Variants in IL20RA observed in about 807,000 individuals in gnomAD.
The protein encoded by IL20RA is interleukin-20 receptor subunit alpha.
Under a neutral mutation model 36.5 loss-of-function variants are expected in IL20RA, and 29 were observed. That is an observed-to-expected ratio of 0.79 (90% CI 0.59 to 1.08). The LOEUF is 1.08. Ranked by LOEUF, IL20RA falls within the 50% of genes least tolerant of loss-of-function variation. The pLI is 0.00. For synonymous variants in IL20RA, 279 were observed against 267.1 expected, an observed-to-expected ratio of 1.04 and a Z score of -0.43; for missense variants, 652 against 668.4, an observed-to-expected ratio of 0.98 and a Z score of 0.27.
chr6:137,002,215 A>C lies in IL20RA; in HGVS notation c.1005T>G (p.Asp335Glu). 1 of 1,614,174 alleles carries C rather than the reference A, an allele frequency of 6.2e-7. No homozygotes were observed. The highest frequency in any genetic ancestry group is 8.5e-7 in the Non-Finnish European group (1 of 1,180,018). ...QDMSLLGKSS[D>E]VSSLNDPQPS... Reference sequence around the variant, plus strand: ...GCTGAGGATCATTAAGGCTGGATACATCACTGCTTTTTCCCAGTAAACTCA... The same window carrying C: ...GCTGAGGATCATTAAGGCTGGATACCTCACTGCTTTTTCCCAGTAAACTCA... The change falls in exon 7 of 7, where the codon GAT becomes GAG. Residue 335 changes from aspartate (D) to glutamate (E), a missense_variant. By Grantham distance (45) the Asp-to-Glu change is conservative (BLOSUM62 2). Transcript: ENST00000316649.
rs1334108071 is a variant in IL20RA at position 137,002,134 on chromosome 6, A to G, written c.1086T>C (p.Tyr362=). ...AAAAAATTTCCATCAAATGCGAAGC[A>G]TACCCTAAATGTTTCACCTCCTCTT... ...QEEEEVKHLG[Y]ASHLMEIFCD... Residue 362 remains tyrosine, a synonymous_variant, in exon 7 of 7, where the codon TAT becomes TAC. Coordinates refer to ENST00000316649, the MANE Select transcript of IL20RA (RefSeq NM_014432.4). 1.2e-6 allele frequency: 2 copies of G among 1,614,214 alleles called. No individual in the cohort carries two copies. Among genetic ancestry groups the G allele is most frequent in the Admixed American group, 1.7e-5 (1 of 60,018 alleles).
intron 2 of IL20RA, among the ~76,000 whole-genome samples, chr6:137,014,811 T>A (rs1582824472): frequency 1.3e-5 from 2 of 152,138 alleles, no homozygotes; most frequent in East Asian, 3.8e-4. Context: ...TGAGATGAAT[T>A]CCATGCATGC....
rs755310667 is a variant in IL20RA at position 137,002,185 on chromosome 6, G to C, written c.1035C>G (p.Ser345Arg). ...CCTCCTGAGGGGGCCTCAGGTTCCC[G>C]CTGGGCTGAGGATCATTAAGGCTGG... Reference protein sequence around the residue: ...DVSSLNDPQPSGNLRPPQEEE... With the variant: ...DVSSLNDPQPRGNLRPPQEEE... The change falls in exon 7 of 7, where the codon AGC becomes AGG. Residue 345 changes from serine (S) to arginine (R), a missense_variant. Coordinates refer to ENST00000316649, the MANE Select transcript of IL20RA (RefSeq NM_014432.4). The C allele has an allele frequency of 6.2e-7, 1 of 1,614,018 alleles. No homozygotes were observed. Among genetic ancestry groups the C allele is most frequent in the Non-Finnish European group, 8.5e-7 (1 of 1,179,986 alleles).
Position 137,044,658 on chromosome 6 carries a change from G to A in IL20RA, c.71C>T (p.Ala24Val), listed in dbSNP as rs1180436243. ...LPPLLLLLLA[A>V]PWGRAVPCVS... ...CCACCTACCTGCCCGTCCCCAAGGC[G>A]CCGCCAGGAGCAACAGCAGCAGCGG... is the stretch of plus-strand genomic sequence containing the variant. The change falls in exon 1 of 7, where the codon GCG (alanine) becomes GTG (valine). Residue 24 changes from alanine (A) to valine (V), a missense_variant. Physicochemically the swap from Ala to Val is moderately conservative, Grantham distance 64. Transcript: ENST00000316649. The A allele has an allele frequency of 1.6e-6, 2 of 1,223,726 alleles. No homozygotes were observed. The highest frequency in any genetic ancestry group is 2.7e-4 in the Middle Eastern group (1 of 3,672). 75.8% of individuals were successfully genotyped at this position (1,223,726 alleles called of 1,614,324 possible).
chr6:137,005,792 A>C (rs1288024929), intron 5 of IL20RA, among the ~76,000 whole-genome samples: 2 of 152,120 alleles, frequency 1.3e-5, no homozygotes, highest in Non-Finnish European at 2.9e-5. Flanking sequence ...GATGACCCTA[A>C]GGAACAGGGA....
chr6:137,019,745 A>T (rs1464466276), intron 1 of IL20RA, among the ~76,000 whole-genome samples: 1 of 152,232 alleles, frequency 6.6e-6, no homozygotes, highest in East Asian at 1.9e-4. Flanking sequence ...TCTGGTAATG[A>T]TATTAAACCA....
chr6:137,017,065 T>C lies in IL20RA; in HGVS notation c.127A>G (p.Ile43Val), dbSNP rs191996643. 0.01 allele frequency: 16,742 copies of C among 1,613,714 alleles called. 1,431 individuals are homozygous for C. The South Asian group carries it at 0.16, about 16-fold the overall frequency. Residue 43 changes from isoleucine (I) to valine (V), a missense_variant, in exon 2 of 7, where the codon ATC becomes GTC. Physicochemically the swap from Ile to Val is conservative, Grantham distance 29 (BLOSUM62 3). Coordinates refer to ENST00000316649, the MANE Select transcript of IL20RA (RefSeq NM_014432.4). ...VSGGLPKPAN[I>V]TFLSINMKNV... ...TTCATGTTGATGGATAAGAAGGTGA[T>C]GTTTGCAGGTTTAGGCAAACCACCA... is the stretch of plus-strand genomic sequence containing the variant.
intron 1 of IL20RA, among the ~76,000 whole-genome samples, chr6:137,029,472 A>C (rs929107979): frequency 6.6e-6 from 1 of 152,228 alleles, no homozygotes; most frequent in Admixed American, 6.5e-5. Flanking sequence ...GCTCCACTGC[A>C]CTTCTGCCTG....
chr6:137,006,382 G>T (rs2115368109), intron 5 of IL20RA, among the ~76,000 whole-genome samples: 1 of 152,256 alleles, frequency 6.6e-6, no homozygotes, highest in East Asian at 1.9e-4. Context: ...CACCTGCCCT[G>T]CTTGTAGCCT....
chr6:137,022,972 T>A (rs1775956360), intron 1 of IL20RA, among the ~76,000 whole-genome samples: 2 of 152,030 alleles, frequency 1.3e-5, no homozygotes, highest in African/African-American at 4.8e-5. Flanking sequence ...TCCAAAACTG[T>A]GAGAGAATAA....
rs766068203 is a variant in IL20RA at position 137,002,330 on chromosome 6, T to C, written c.890A>G (p.Asp297Gly). Residue 297 changes from aspartate to glycine, a missense_variant, in exon 7 of 7, where the codon GAC becomes GGC. Asp to Gly is a moderately conservative substitution (Grantham distance 94). Coordinates refer to ENST00000316649, the MANE Select transcript of IL20RA (RefSeq NM_014432.4). ...TTCAGCAGGCACAAAGAATCTTTTG[T>C]CAAATTCATTTCCATAAATCAAAAT... is the stretch of plus-strand genomic sequence containing the variant. ...NLILIYGNEFDKRFFVPAEKI... is the reference protein window; with the variant it reads ...NLILIYGNEFGKRFFVPAEKI... 6 of 1,599,234 alleles carry C rather than the reference T, an allele frequency of 3.8e-6. No individual in the cohort carries two copies. The highest frequency in any genetic ancestry group is 2.3e-5 in the South Asian group (2 of 88,236).
At chr6:137,026,385 T>G (rs1458833908) in intron 1 of IL20RA, among the ~76,000 whole-genome samples, 1 of 152,196 alleles carries the variant, frequency 6.6e-6, no homozygotes, top group Non-Finnish European at 1.5e-5. Flanking sequence ...TGGAACAGCT[T>G]GAACTACCAA....
In IL20RA at chr6:137,004,673, T is replaced by G. The variant is rs1421133925; in HGVS notation, c.812A>C (p.Tyr271Ser). 2 of 1,611,854 alleles carry G rather than the reference T, an allele frequency of 1.2e-6. No individual in the cohort carries two copies. Among genetic ancestry groups the G allele is most frequent in the East Asian group, 4.5e-5 (2 of 44,824 alleles). Reference protein sequence around the residue: ...ITVFLFSVMGYSIYRYIHVGK... With the variant: ...ITVFLFSVMGSSIYRYIHVGK... ...AACGTGGATATATCGGTAGATGGAA[T>G]AGCCCATCACAGAAAAAAGAAACAC... The change falls in exon 6 of 7, where the codon TAT becomes TCT. Residue 271 changes from tyrosine (Y) to serine (S), a missense_variant. By Grantham distance (144) the Tyr-to-Ser change is moderately radical. Coordinates refer to ENST00000316649, the MANE Select transcript of IL20RA (RefSeq NM_014432.4).
At chr6:137,032,067 A>AAAAAG (rs1562241164) in intron 1 of IL20RA, among the ~76,000 whole-genome samples, 3 of 150,974 alleles carry the variant, frequency 2.0e-5, no homozygotes, top group Non-Finnish European at 1.5e-5. Context: ...AAAAAAAAAA[A>AAAAAG]AAAAGAAAAG....
chr6:137,029,168 T>A (rs1186975287), intron 1 of IL20RA, among the ~76,000 whole-genome samples: 1 of 152,228 alleles, frequency 6.6e-6, no homozygotes, highest in Non-Finnish European at 1.5e-5. Context: ...CACTACTTTA[T>A]GTCATCTCTT....
intron 1 of IL20RA, among the ~76,000 whole-genome samples, chr6:137,041,611 G>A (rs993722187): frequency 9.9e-5 from 15 of 151,984 alleles, no homozygotes; most frequent in Admixed American, 3.3e-4. Flanking sequence ...AATAAAATAC[G>A]GAATGCTGCC....
At position 137,001,446 on chromosome 6, in the gene IL20RA, G is replaced by T; in HGVS notation, c.*112C>A. On this transcript the variant is annotated 3_prime_UTR_variant, in exon 7 of 7. Coordinates refer to ENST00000316649, the MANE Select transcript of IL20RA (RefSeq NM_014432.4). ...AGAAAAGAAATAAGTAATTCTCACA[G>T]ACACTGACAAACTGGAAAAAACTTC... 2.2e-6 allele frequency: 2 copies of T among 897,284 alleles called. No individual in the cohort carries two copies. Among genetic ancestry groups the T allele is most frequent in the Non-Finnish European group, 3.4e-6 (2 of 580,234 alleles). 55.6% of individuals were successfully genotyped at this position (897,284 alleles called of 1,614,324 possible). A position where few individuals can be genotyped will look rare whatever the true frequency, so the allele number is the denominator to read the frequency against.
intron 5 of IL20RA, among the ~76,000 whole-genome samples, chr6:137,007,497 T>C (rs146773436): frequency 3.0e-4 from 46 of 152,308 alleles, no homozygotes; most frequent in African/African-American, 1.1e-3. Context: ...ACCAGCTGTT[T>C]GGAAAAGAAG....
At chr6:137,036,451 C>T (rs190784229) in intron 1 of IL20RA, among the ~76,000 whole-genome samples, 13 of 152,088 alleles carry the variant, frequency 8.5e-5, no homozygotes, top group African/African-American at 2.9e-4. Flanking sequence ...CAGGGTGGGC[C>T]GAAATGCAGT....
Sources: gnomAD v4.1 joint callset for allele counts (sites outside exome capture counted in the v4.1 genomes callset) on GRCh38, gnomAD v4.1.1 for gene constraint, MANE v1.5 for transcripts, NCBI Gene and HGNC (gene_info 2026-07-23, HGNC 2026-07-21) for gene names.